Variants in PDCD6 observed in about 807,000 individuals in gnomAD.
The protein encoded by PDCD6 is programmed cell death protein 6.
PDCD6 carries 12 observed loss-of-function variants against 28.3 expected under a neutral mutation model. That is an observed-to-expected ratio of 0.42 (90% confidence interval 0.27 to 0.69). The LOEUF (loss-of-function observed/expected upper bound fraction) is 0.69. Among genes scored for constraint, PDCD6 ranks in the 30% least tolerant of loss-of-function variants. The pLI, the probability that PDCD6 is intolerant of heterozygous loss-of-function variation, is 0.22. For synonymous variants in PDCD6, 92 were observed against 108.0 expected (o/e 0.85, Z 0.92); for missense variants, 226 against 269.9 (o/e 0.84, Z 1.14).
Position 272,829 on chromosome 5 carries a change from T to C in PDCD6, c.163+57T>C, listed in dbSNP as rs769141329. On this transcript the variant is annotated intron_variant, in intron 2 of 5. Transcript: ENST00000264933. ...ACCAAGAAGCCGCGAGCCTGCCCTG[T>C]TCACAGTGGATAACTTTCTGAAGTT... is the stretch of plus-strand genomic sequence containing the variant. 1.1e-4 allele frequency: 176 copies of C among 1,552,910 alleles called. 21 individuals carry two copies. Among genetic ancestry groups the C allele is most frequent in the Non-Finnish European group, 1.4e-4 (166 of 1,151,490 alleles).
At position 277,189 on chromosome 5, in the gene PDCD6, G is replaced by A. The variant is rs538669015; in HGVS notation, c.163+4417G>A. Among the ~76,000 whole-genome samples, 11 of 151,834 alleles carry A rather than the reference G, an allele frequency of 7.2e-5. No individual in the cohort carries two copies. The East Asian group carries it at 1.4e-3, about 19-fold the overall frequency. On this transcript the variant is annotated intron_variant, in intron 2 of 5. Transcript: ENST00000264933. ...CGCCCAGGCTGGAGTGCAGTGGCAC[G>A]CTCTTGGCTCACTACAACCTCCGCA...
intron 2 of PDCD6, among the ~76,000 whole-genome samples, chr5:284,790 ATG>A (rs1738831641): frequency 7.0e-6 from 1 of 142,358 alleles, no homozygotes; most frequent in African/African-American, 2.6e-5. Context: ...CGGGGAGCTG[ATG>A]TACCAGTTTG....
At chr5:310,094 T>TGTGGGC (rs1211357941) in intron 4 of PDCD6, 6 of 223,318 alleles carry the variant, frequency 2.7e-5, no homozygotes, top group Middle Eastern at 1.6e-3. Flanking sequence ...TGTCCCAGGC[T>TGTGGGC]CTGTTCTCAG....
At position 271,692 on chromosome 5, in the gene PDCD6, C is replaced by A. The variant is rs201245613; in HGVS notation, c.-29C>A. On this transcript the variant is annotated 5_prime_UTR_variant, in exon 1 of 6. Coordinates refer to ENST00000264933, the MANE Select transcript of PDCD6 (RefSeq NM_013232.4). ...CTGAGAGGTCTCTCGTCGCTGCAGG[C>A]GCCTCAGCCCAGCCGCGTGCCTTGG... 7.4e-7 allele frequency: 1 copy of A among 1,352,596 alleles called. No individual in the cohort carries two copies. Among genetic ancestry groups the A allele is most frequent in the South Asian group, 1.2e-5 (1 of 81,106 alleles). The allele number at this position is 1,352,596 out of a possible 1,614,324, so 83.8% of individuals were successfully genotyped here. A position where few individuals can be genotyped will look rare whatever the true frequency, so the allele number is the denominator to read the frequency against.
Position 271,706 on chromosome 5 carries a change from C to A in PDCD6, c.-15C>A, listed in dbSNP as rs1365728054. The A allele has an allele frequency of 1.3e-6, 2 of 1,493,408 alleles. No homozygotes were observed. The highest frequency in any genetic ancestry group is 1.8e-6 in the Non-Finnish European group (2 of 1,106,086). 92.5% of individuals were successfully genotyped at this position (1,493,408 alleles called of 1,614,324 possible). A position where few individuals can be genotyped will look rare whatever the true frequency, so the allele number is the denominator to read the frequency against. On this transcript the variant is annotated 5_prime_UTR_variant, in exon 1 of 6. Transcript: ENST00000264933. ...GTCGCTGCAGGCGCCTCAGCCCAGC[C>A]GCGTGCCTTGGCCCATGGCCGCCTA...
At chr5:306,376 G>C (rs1740482913) in intron 3 of PDCD6, 2 of 507,098 alleles carry the variant, frequency 3.9e-6, no homozygotes, top group Non-Finnish European at 7.2e-6. Flanking sequence ...CTGGGACTTA[G>C]GGGGTCAGGG....
intron 1 of PDCD6, among the ~76,000 whole-genome samples, chr5:272,072 G>GC (rs1377860138): frequency 6.6e-6 from 1 of 150,646 alleles, no homozygotes; most frequent in Middle Eastern, 3.4e-3. Flanking sequence ...TCCTGGGGCC[G>GC]CCCCTGCCTC....
At chr5:294,320 G>A (rs924079791) in intron 2 of PDCD6, among the ~76,000 whole-genome samples, 9 of 147,546 alleles carry the variant, frequency 6.1e-5, no homozygotes, top group Admixed American at 2.0e-4. Flanking sequence ...GTACTGGCAC[G>A]CAGGATATGT....
chr5:288,935 T>A (rs1378819834), intron 2 of PDCD6: 4 of 1,566,980 alleles, frequency 2.6e-6, no homozygotes, highest in African/African-American at 1.4e-5. Context: ...TAGATCCTAC[T>A]AATTCTTCTG....
At chr5:313,003 C>T (rs984056962) in intron 5 of PDCD6, among the ~76,000 whole-genome samples, 1 of 152,204 alleles carries the variant, frequency 6.6e-6, no homozygotes, top group African/African-American at 2.4e-5. Context: ...GTAACACAGG[C>T]GGCCTCACAG....
chr5:292,634 A>G (rs1361801226), intron 2 of PDCD6, among the ~76,000 whole-genome samples: 1 of 152,208 alleles, frequency 6.6e-6, no homozygotes. Context: ...GATGGGTTTG[A>G]ATCCACCAGG....
intron 5 of PDCD6, among the ~76,000 whole-genome samples, chr5:312,892 ATTTGAGGT>A (rs1161132826): frequency 1.1e-4 from 12 of 109,348 alleles, no homozygotes; most frequent in African/African-American, 9.1e-4. Context: ...TCAGATCTTC[ATTTGAGGT>A]TCTGTGTCTG....
intron 2 of PDCD6, among the ~76,000 whole-genome samples, chr5:286,332 G>A (rs1444901371): frequency 6.6e-6 from 1 of 151,940 alleles, no homozygotes; most frequent in Non-Finnish European, 1.5e-5. Flanking sequence ...GACCCATGGG[G>A]GAGCTGATGT....
At chr5:272,057 C>G (rs1318228710) in intron 1 of PDCD6, among the ~76,000 whole-genome samples, 2 of 151,758 alleles carry the variant, frequency 1.3e-5, no homozygotes, top group African/African-American at 4.9e-5. Flanking sequence ...GTCCGCTGCC[C>G]GGTCTCCTGG....
chr5:284,333 G>A (rs1419838107), intron 2 of PDCD6, among the ~76,000 whole-genome samples: 2 of 151,036 alleles, frequency 1.3e-5, no homozygotes, highest in Non-Finnish European at 3.0e-5. Flanking sequence ...CTTGAGGGTC[G>A]TTCAGCTGAA....
At chr5:275,369 G>C (rs549239447) in intron 2 of PDCD6, among the ~76,000 whole-genome samples, 1 of 152,204 alleles carries the variant, frequency 6.6e-6, no homozygotes, top group African/African-American at 2.4e-5. Context: ...CACCTGCTGC[G>C]GGGCAGCCCC....
intron 2 of PDCD6, among the ~76,000 whole-genome samples, chr5:287,584 C>T (rs909702565): frequency 1.3e-5 from 2 of 152,106 alleles, no homozygotes; most frequent in African/African-American, 4.8e-5. Context: ...GACAAAATCA[C>T]ACACCACACA....
At chr5:286,422 G>A (rs137917078) in intron 2 of PDCD6, among the ~76,000 whole-genome samples, 12 of 152,186 alleles carry the variant, frequency 7.9e-5, no homozygotes, top group African/African-American at 2.4e-4. Flanking sequence ...GAGGCCTAGC[G>A]AGGAGCTAAT....
Position 281,047 on chromosome 5 carries a change from C to T in PDCD6, c.163+8275C>T, listed in dbSNP as rs539115068. Among the ~76,000 whole-genome samples the T allele has an allele frequency of 5.9e-5, 9 of 152,360 alleles. No homozygotes were observed. The South Asian group carries it at 1.9e-3, about 32-fold the overall frequency. On this transcript the variant is annotated intron_variant, in intron 2 of 5. Coordinates refer to ENST00000264933, the MANE Select transcript of PDCD6 (RefSeq NM_013232.4). ...GCACAGGCAGAGAGAAATAAGATCG[C>T]ATCTACAGCTGTGTGGTGATTTTCT... is the stretch of plus-strand genomic sequence containing the variant.
Sources: gnomAD v4.1 joint callset for allele counts (sites outside exome capture counted in the v4.1 genomes callset) on GRCh38, gnomAD v4.1.1 for gene constraint, MANE v1.5 for transcripts, NCBI Gene and HGNC (gene_info 2026-07-23, HGNC 2026-07-21) for gene names.